The following MAP3K4 variants were observed in gnomAD, a reference collection of about 807,000 sequenced individuals.
The protein encoded by MAP3K4 is MAP three kinase 1.
A neutral mutation model predicts 185.6 loss-of-function variants in MAP3K4; 67 were observed. That is an observed-to-expected ratio of 0.36 (90% confidence interval 0.30 to 0.44). The LOEUF (loss-of-function observed/expected upper bound fraction) is 0.44, where lower values mean the gene tolerates loss of function less well. MAP3K4 is among the 20% of genes least tolerant of loss of function. MAP3K4 has a pLI of 1.00. For missense variants in MAP3K4, 1,551 were observed against 1,995.1 expected (o/e 0.78, Z 4.24); for synonymous variants, 702 against 710.4 (o/e 0.99, Z 0.19).
At chr6:161,021,785 C>A (rs1782404286) in intron 1 of MAP3K4, among the ~76,000 whole-genome samples, 1 of 152,260 alleles carries the variant, frequency 6.6e-6, no homozygotes, top group Non-Finnish European at 1.5e-5. Flanking sequence ...CTGGTGGGGT[C>A]ATTGTTGAAT....
Position 161,037,879 on chromosome 6 carries a change from A to G in MAP3K4, c.343+3430A>G, listed in dbSNP as rs1487293478. On this transcript the variant is annotated intron_variant, in intron 2 of 26. Coordinates refer to ENST00000392142, the MANE Select transcript of MAP3K4 (RefSeq NM_005922.4). This position sits in a 1 kb window ranked among gnomAD's most constrained non-coding sequence, Gnocchi z 4.2. Reference sequence around the variant, plus strand: ...AATGATTGTCTCAAGTCGTGTAGCTACTGTTCCTGCTTCTGTCCTGCCTGG... The same window carrying G: ...AATGATTGTCTCAAGTCGTGTAGCTGCTGTTCCTGCTTCTGTCCTGCCTGG... Among the ~76,000 whole-genome samples the G allele has an allele frequency of 6.6e-6, 1 of 152,106 alleles. No homozygotes were observed. The highest frequency in any genetic ancestry group is 1.5e-5 in the Non-Finnish European group (1 of 68,014).
chr6:161,079,047 C>T (rs1785315058), intron 5 of MAP3K4, among the ~76,000 whole-genome samples: 1 of 151,656 alleles, frequency 6.6e-6, no homozygotes, highest in Non-Finnish European at 1.5e-5. Context: ...AACCCCGTCT[C>T]TACTAAAAAT....
At chr6:160,998,624 AAT>A (rs2115038761) in intron 1 of MAP3K4, among the ~76,000 whole-genome samples, 1 of 152,320 alleles carries the variant, frequency 6.6e-6, no homozygotes, top group African/African-American at 2.4e-5. Flanking sequence ...CAGCTTGGGT[AAT>A]AGAGTATGTA....
chr6:161,109,988 G>T lies in MAP3K4; in HGVS notation c.4396+74G>T. 2.0e-6 allele frequency: 3 copies of T among 1,486,354 alleles called. No individual in the cohort carries two copies. Among genetic ancestry groups the T allele is most frequent in the Admixed American group, 3.5e-5 (2 of 56,974 alleles). The allele number at this position is 1,486,354 out of a possible 1,614,324, so 92.1% of individuals were successfully genotyped here. A position where few individuals can be genotyped will look rare whatever the true frequency, so the allele number is the denominator to read the frequency against. On this transcript the variant is annotated intron_variant, in intron 23 of 26. Transcript: ENST00000392142. This position sits in a 1 kb window ranked among gnomAD's most constrained non-coding sequence, Gnocchi z 5.7. Reference sequence around the variant, plus strand: ...AGCCCGTGGGAGGTGCTCTGAAGACGCTCATCCCATTCCCACATATGATTT... The same window carrying T: ...AGCCCGTGGGAGGTGCTCTGAAGACTCTCATCCCATTCCCACATATGATTT...
At chr6:161,081,089 C>A in intron 6 of MAP3K4, 51 bp downstream of exon 6, 1 of 1,569,728 alleles carries the variant, frequency 6.4e-7, no homozygotes, top group Non-Finnish European at 8.7e-7. Context: ...CTCACTCTCA[C>A]ACCATTTACT....
chr6:161,037,127 G>A lies in MAP3K4; in HGVS notation c.343+2678G>A, dbSNP rs1783206301. On this transcript the variant is annotated intron_variant, in intron 2 of 26. Coordinates refer to ENST00000392142, the MANE Select transcript of MAP3K4 (RefSeq NM_005922.4). This position sits in a 1 kb window ranked among gnomAD's most constrained non-coding sequence, Gnocchi z 4.2. ...TTGTTTATGAATACCAAGACAAGGTGGAAATGGGACGCCAGTGGTAGACAA... is the reference window on the plus strand; with the variant it reads ...TTGTTTATGAATACCAAGACAAGGTAGAAATGGGACGCCAGTGGTAGACAA... Among the ~76,000 whole-genome samples, 1 of 152,186 alleles carries A rather than the reference G, an allele frequency of 6.6e-6. No individual in the cohort carries two copies. The highest frequency in any genetic ancestry group is 1.5e-5 in the Non-Finnish European group (1 of 68,026).
rs920943131 is a variant in MAP3K4 at position 161,037,328 on chromosome 6, G to T, written c.343+2879G>T. 6.6e-6 allele frequency among the ~76,000 whole-genome samples: 1 copy of T among 152,240 alleles called. No homozygotes were observed. The highest frequency in any genetic ancestry group is 2.1e-4 in the South Asian group (1 of 4,818). On this transcript the variant is annotated intron_variant, in intron 2 of 26. Transcript: ENST00000392142. This position sits in a 1 kb window ranked among gnomAD's most constrained non-coding sequence, Gnocchi z 4.2. ...TCTGCGTATGCAGCCTCCATATCTC[G>T]TTTCTCTATCTGTAAAATCATCTGC...
rs760210070 is a variant in MAP3K4, at chr6:161,109,297, C to T, written c.4236+438C>T. Among the ~76,000 whole-genome samples, 7 of 151,914 alleles carry T rather than the reference C, an allele frequency of 4.6e-5. No individual in the cohort carries two copies. The highest frequency in any genetic ancestry group is 8.8e-5 in the Non-Finnish European group (6 of 68,002). ...TCCTTGTGTTTAGAAATAAACACGTCGAGGGAAAGAGGATAACTTGGAGCA... is the reference window on the plus strand; with the variant it reads ...TCCTTGTGTTTAGAAATAAACACGTTGAGGGAAAGAGGATAACTTGGAGCA... On this transcript the variant is annotated intron_variant, in intron 22 of 26. Coordinates refer to ENST00000392142, the MANE Select transcript of MAP3K4 (RefSeq NM_005922.4). This position sits in a 1 kb window ranked among gnomAD's most constrained non-coding sequence, Gnocchi z 5.7.
chr6:161,022,643 A>G lies in MAP3K4; in HGVS notation c.153-11616A>G, dbSNP rs1207459860. On this transcript the variant is annotated intron_variant, in intron 1 of 26. Transcript: ENST00000392142. This position sits in a 1 kb window ranked among gnomAD's most constrained non-coding sequence, Gnocchi z 4.2. ...GGAGGGCCTTGGGCCTTAGAGTTAG[A>G]TCAGGACTCCAGTTATGGCCCAGAC... Among the ~76,000 whole-genome samples the G allele has an allele frequency of 6.6e-6, 1 of 152,146 alleles. No individual in the cohort carries two copies. The highest frequency in any genetic ancestry group is 1.5e-5 in the Non-Finnish European group (1 of 68,008).
intron 25 of MAP3K4, among the ~76,000 whole-genome samples, chr6:161,113,517 G>GTA (rs1332228490): frequency 6.6e-6 from 1 of 152,086 alleles, no homozygotes; most frequent in East Asian, 1.9e-4. Flanking sequence ...TGTAAACTAT[G>GTA]GACTTCAGTT....
chr6:161,081,750 A>T lies in MAP3K4; in HGVS notation c.2255+712A>T, dbSNP rs900310822. On this transcript the variant is annotated intron_variant, in intron 6 of 26. Transcript: ENST00000392142. ...TTTGCTGGTGGCCACTGCACCTCGG[A>T]CTTGCTTTGGCTCAGATGAGGATCA... Among the ~76,000 whole-genome samples the T allele has an allele frequency of 8.5e-5, 13 of 152,234 alleles. No homozygotes were observed. In the South Asian group the frequency reaches 1.0e-3, roughly 12 times the overall value.
chr6:161,087,852 T>G lies in MAP3K4; in HGVS notation c.2721T>G (p.Gly907=). Residue 907 remains glycine, a synonymous_variant, in exon 10 of 27, where the codon GGT becomes GGG. Coordinates refer to ENST00000392142, the MANE Select transcript of MAP3K4 (RefSeq NM_005922.4). The surrounding 1 kb of genome is among the most constrained non-coding windows in gnomAD (Gnocchi z 4.9). ...CCTATCTGCTTCTGACCAAGCACGGTGATCGAGCCCGTGATTCAGAGGACA... is the reference window on the plus strand; with the variant it reads ...CCTATCTGCTTCTGACCAAGCACGGGGATCGAGCCCGTGATTCAGAGGACA... ...IDAYLLLTKH[G]DRARDSEDSW... The G allele has an allele frequency of 6.2e-7, 1 of 1,614,162 alleles. No individual in the cohort carries two copies.
chr6:161,039,356 A>G (rs369548565), intron 2 of MAP3K4, among the ~76,000 whole-genome samples: 24 of 151,160 alleles, frequency 1.6e-4, no homozygotes, highest in Non-Finnish European at 3.4e-4. Context: ...TGAGGGGACT[A>G]TTTAGAGGAA....
chr6:161,058,701 C>T (rs1647832429), intron 3 of MAP3K4, among the ~76,000 whole-genome samples: 1 of 151,936 alleles, frequency 6.6e-6, no homozygotes, highest in Admixed American at 6.5e-5. Context: ...TATACATAAT[C>T]CTACTACAAC....
rs547370000 is a variant in MAP3K4 at position 161,007,535 on chromosome 6, T to G, written c.152+15452T>G. 2.5e-3 allele frequency among the ~76,000 whole-genome samples: 383 copies of G among 152,330 alleles called. 3 individuals carry two copies. Among genetic ancestry groups the G allele is most frequent in the Non-Finnish European group, 3.5e-3 (235 of 68,020 alleles). Reference sequence around the variant, plus strand: ...AAACAGTTGTGTCAAGTGATGGGTGTGTAAGTGCCCAACTCATTCTGTCCT... The same window carrying G: ...AAACAGTTGTGTCAAGTGATGGGTGGGTAAGTGCCCAACTCATTCTGTCCT... On this transcript the variant is annotated intron_variant, in intron 1 of 26. Transcript: ENST00000392142. The surrounding 1 kb of genome is among the most constrained non-coding windows in gnomAD (Gnocchi z 4.5).
rs1017255716 is a variant in MAP3K4, at chr6:161,082,519, T to G, written c.2255+1481T>G. ...TCCTCGCCCTGAGAAGCTCCAGGGC[T>G]TTTTCATTCCCCCTTCTTGTGAACA... On this transcript the variant is annotated intron_variant, in intron 6 of 26. Transcript: ENST00000392142. The surrounding 1 kb of genome is among the most constrained non-coding windows in gnomAD (Gnocchi z 4.2). Among the ~76,000 whole-genome samples the G allele has an allele frequency of 3.3e-5, 5 of 152,022 alleles. No homozygotes were observed. Among genetic ancestry groups the G allele is most frequent in the African/African-American group, 1.2e-4 (5 of 41,396 alleles).
In MAP3K4 at chr6:161,070,742, T is replaced by G. The variant is rs1203265827; in HGVS notation, c.1842T>G (p.Pro614=). Reference sequence around the variant, plus strand: ...CCATGGATTTACCTTCATTCGAACCTGCCTTCCTAGTTCTCTGCCGAGTCC... The same window carrying G: ...CCATGGATTTACCTTCATTCGAACCGGCCTTCCTAGTTCTCTGCCGAGTCC... ...LKAMDLPSFE[P]AFLVLCRVLL... Residue 614 remains proline, a synonymous_variant, in exon 4 of 27, where the codon CCT becomes CCG. Transcript: ENST00000392142. This position sits in a 1 kb window ranked among gnomAD's most constrained non-coding sequence, Gnocchi z 4.5. The G allele has an allele frequency of 3.1e-6, 5 of 1,614,198 alleles. 1 individual carries two copies. Among genetic ancestry groups the G allele is most frequent in the Admixed American group, 3.3e-5 (2 of 60,028 alleles).
At chr6:161,068,131 G>T (rs951461671) in intron 3 of MAP3K4, among the ~76,000 whole-genome samples, 7 of 152,272 alleles carry the variant, frequency 4.6e-5, no homozygotes, top group Non-Finnish European at 7.4e-5. Flanking sequence ...GAGACCCATA[G>T]TTAACTGGAG....
Position 161,110,362 on chromosome 6 carries a change from T to A in MAP3K4, c.4396+448T>A, listed in dbSNP as rs1469855319. Among the ~76,000 whole-genome samples, 1 of 152,204 alleles carries A rather than the reference T, an allele frequency of 6.6e-6. No homozygotes were observed. The highest frequency in any genetic ancestry group is 1.9e-4 in the East Asian group (1 of 5,194). ...TTTTGAGACAAGAATGGGGTTTGTT[T>A]ACACAAACCTTGAAATTGAGTTCTG... On this transcript the variant is annotated intron_variant, in intron 23 of 26. Transcript: ENST00000392142. This position sits in a 1 kb window ranked among gnomAD's most constrained non-coding sequence, Gnocchi z 4.8.
Sources: gnomAD v4.1 joint callset for allele counts (sites outside exome capture counted in the v4.1 genomes callset) on GRCh38, gnomAD v4.1.1 for gene constraint, Gnocchi (gnomAD v3.1) non-coding constraint, MANE v1.5 for transcripts, NCBI Gene and HGNC (gene_info 2026-07-23, HGNC 2026-07-21) for gene names.